The following OXTR variants were observed in gnomAD, a reference collection of about 807,000 sequenced individuals.
OXTR encodes the protein oxytocin receptor.
A neutral mutation model predicts 23.9 loss-of-function variants in OXTR; 19 were observed. The observed-to-expected ratio is 0.80, with a 90% CI of 0.56 to 1.17. The LOEUF (loss-of-function observed/expected upper bound fraction) is 1.17. Ranked by LOEUF, OXTR falls within the 50% of genes most tolerant of loss-of-function variation. OXTR has a pLI of 0.00. For missense variants in OXTR, 500 were observed against 550.7 expected (o/e 0.91, Z 0.92); for synonymous variants, 278 against 250.5 (o/e 1.11, Z -1.04).
the OXTR span, among the ~76,000 whole-genome samples, chr3:8,743,631 C>T: frequency 6.6e-6 from 1 of 152,196 alleles, no homozygotes; most frequent in Admixed American, 6.5e-5. Context: ...AACTGTGCTG[C>T]CTGCTGACAC....
At position 8,767,702 on chromosome 3, in the gene OXTR, G is replaced by T. The variant is rs200541397; in HGVS notation, c.486C>A (p.Leu162=). Residue 162 remains leucine, a synonymous_variant, in exon 3 of 4, where the codon CTC becomes CTA. Transcript: ENST00000316793. ...TDRLAVLATW[L]GCLVASAPQV... is the part of the protein sequence containing the mutation. The stretch of plus-strand genomic sequence containing the variant: ...GCGGCGCGCTGGCCACCAGGCAGCC[G>T]AGCCACGTGGCGAGCACTGCCAGGC... The T allele has an allele frequency of 6.2e-7, 1 of 1,609,680 alleles. No homozygotes were observed. The highest frequency in any genetic ancestry group is 1.7e-5 in the Admixed American group (1 of 59,722).
intron 3 of OXTR, among the ~76,000 whole-genome samples, chr3:8,765,348 A>G (rs1055198271): frequency 6.6e-6 from 1 of 152,228 alleles, no homozygotes; most frequent in Non-Finnish European, 1.5e-5. Context: ...AAAAATCACC[A>G]GAGACTCAAG....
At chr3:8,761,480 C>T (rs545392489) in intron 3 of OXTR, among the ~76,000 whole-genome samples, 28 of 120,408 alleles carry the variant, frequency 2.3e-4, no homozygotes, top group South Asian at 7.9e-4. Context: ...TGTAGATCAT[C>T]GGGAAAACTG....
chr3:8,767,657 CAG>C lies in OXTR; in HGVS notation c.529_530del (p.Leu177AlafsTer5), dbSNP rs1393791581. ...CGAAGACGCCGTCAGCCACCTCGCG[CAG>C]AGAGAAGATGTGCACCTGCGGCGCG... Reference protein sequence around the residue: ...ASAPQVHIFSLREVADGVFDC... With the variant: ...ASAPQVHIFSXREVADGVFDC... On this transcript the variant is annotated frameshift_variant, in exon 3 of 4. Coordinates refer to ENST00000316793, the MANE Select transcript of OXTR (RefSeq NM_000916.4). LOFTEE classifies it high-confidence loss of function. The C allele has an allele frequency of 1.2e-6, 2 of 1,612,628 alleles. No homozygotes were observed. Among genetic ancestry groups the C allele is most frequent in the Non-Finnish European group, 1.7e-6 (2 of 1,179,626 alleles).
chr3:8,749,351 G>A (rs1305985555), downstream of OXTR, among the ~76,000 whole-genome samples: 1 of 152,190 alleles, frequency 6.6e-6, no homozygotes, highest in Admixed American at 6.5e-5. Context: ...ATGCCCAAGA[G>A]TCTTATAACT....
chr3:8,768,299 A>G lies in OXTR; in HGVS notation c.-112T>C. 1.6e-6 allele frequency: 2 copies of G among 1,223,068 alleles called. No homozygotes were observed. Among genetic ancestry groups the G allele is most frequent in the Non-Finnish European group, 2.0e-6 (2 of 984,588 alleles). The allele number at this position is 1,223,068 out of a possible 1,614,324, so 75.8% of individuals were successfully genotyped here. A position where few individuals can be genotyped will look rare whatever the true frequency, so the allele number is the denominator to read the frequency against. On this transcript the variant is annotated 5_prime_UTR_variant, in exon 3 of 4. Transcript: ENST00000316793. This position sits in a 1 kb window ranked among gnomAD's most constrained non-coding sequence, Gnocchi z 5.4. ...GGGGCGCCCGGGGCTCCACTCCTGG[A>G]GACTCCACGGACGGATCTGCTGGGT...
At position 8,768,382 on chromosome 3, in the gene OXTR, C is replaced by G. The variant is rs1235520418; in HGVS notation, c.-142-53G>C. 3.4e-6 allele frequency: 3 copies of G among 882,936 alleles called. No homozygotes were observed. The highest frequency in any genetic ancestry group is 1.5e-6 in the Non-Finnish European group (1 of 678,250). The allele number at this position is 882,936 out of a possible 1,614,324, so 54.7% of individuals were successfully genotyped here. On this transcript the variant is annotated intron_variant, in intron 2 of 3. Transcript: ENST00000316793. This position sits in a 1 kb window ranked among gnomAD's most constrained non-coding sequence, Gnocchi z 5.4. ...AGACCGCCGCGTTTCTCTTCCGACGCGGGTAGGGCGTGCTTGTCCCATTCC... is the reference window on the plus strand; with the variant it reads ...AGACCGCCGCGTTTCTCTTCCGACGGGGGTAGGGCGTGCTTGTCCCATTCC...
rs926135876 is a variant in OXTR, at chr3:8,750,560, T to C, written c.*2417A>G. ...CTCATCTCTCACAGCCTCCAGGCCC[T>C]GGCAAACGCTAATCTATATTCACTC... On this transcript the variant is annotated 3_prime_UTR_variant, in exon 4 of 4. Transcript: ENST00000316793. 6.6e-6 allele frequency: 1 copy of C among 152,250 alleles called. No individual in the cohort carries two copies. The highest frequency in any genetic ancestry group is 2.4e-5 in the African/African-American group (1 of 41,472). 9.4% of individuals were successfully genotyped at this position (152,250 alleles called of 1,614,324 possible). A position where few individuals can be genotyped will look rare whatever the true frequency, so the allele number is the denominator to read the frequency against.
Position 8,752,144 on chromosome 3 carries a change from T to C in OXTR, c.*833A>G, listed in dbSNP as rs1440637652. 1 of 152,214 alleles carries C rather than the reference T, an allele frequency of 6.6e-6. No individual in the cohort carries two copies. The highest frequency in any genetic ancestry group is 1.5e-5 in the Non-Finnish European group (1 of 68,038). The allele number at this position is 152,214 out of a possible 1,614,324, so 9.4% of individuals were successfully genotyped here. ...TTATTTAACTTCGTTTTCATATTGT[T>C]TGTTGCTAGTATAAAGAAATACAAT... On this transcript the variant is annotated 3_prime_UTR_variant, in exon 4 of 4. Transcript: ENST00000316793.
chr3:8,745,660 A>G, downstream of OXTR: 1 of 1,614,044 alleles, frequency 6.2e-7, no homozygotes, highest in Non-Finnish European at 8.5e-7. This position sits in a 1 kb window ranked among gnomAD's most constrained non-coding sequence, Gnocchi z 4.8. Context: ...TGGGCGTCCC[A>G]CTGGCCCTGC....
rs143411944 is a variant in OXTR, at chr3:8,755,565, A to C, written c.923-2341T>G. On this transcript the variant is annotated intron_variant, in intron 3 of 3. Coordinates refer to ENST00000316793, the MANE Select transcript of OXTR (RefSeq NM_000916.4). ...TTAATGAATTCCTAAGTAGCCACCA[A>C]TCCTTCCGCCTCCAAGAGGCTGGTC... Among the ~76,000 whole-genome samples, 521 of 152,336 alleles carry C rather than the reference A, an allele frequency of 3.4e-3. 9 individuals are homozygous for C. The highest frequency in any genetic ancestry group is 0.012 in the African/African-American group (493 of 41,566).
downstream of OXTR, chr3:8,746,144 G>A (rs184247243): frequency 4.8e-4 from 209 of 436,098 alleles, 1 homozygote; most frequent in East Asian, 7.0e-3. Flanking sequence ...AAGTCTTTGC[G>A]TTCACTTGTA....
At chr3:8,748,442 C>T (rs1708203505), downstream of OXTR, among the ~76,000 whole-genome samples, 1 of 152,162 alleles carries the variant, frequency 6.6e-6, no homozygotes, top group South Asian at 2.1e-4. Context: ...ACCAGGGCCC[C>T]CTTCCACACC....
Position 8,753,137 on chromosome 3 carries a change from A to C in OXTR, c.1010T>G (p.Phe337Cys). ...WIYMLFTGHL[F>C]HELVQRFLCC... The stretch of plus-strand genomic sequence containing the variant: ...CAGGAAGCGCTGCACGAGTTCGTGG[A>C]AGAGGTGGCCCGTGAACAGCATGTA... Residue 337 changes from phenylalanine (F) to cysteine (C), a missense_variant, in exon 4 of 4, where the codon TTC becomes TGC. By Grantham distance (205) the Phe-to-Cys change is radical. Coordinates refer to ENST00000316793, the MANE Select transcript of OXTR (RefSeq NM_000916.4). 13 of 1,614,148 alleles carry C rather than the reference A, an allele frequency of 8.1e-6. No individual in the cohort carries two copies. The highest frequency in any genetic ancestry group is 1.1e-5 in the Non-Finnish European group (13 of 1,180,032).
intron 3 of OXTR, among the ~76,000 whole-genome samples, chr3:8,756,961 A>G (rs1023678291): frequency 6.6e-6 from 1 of 152,184 alleles, no homozygotes; most frequent in Non-Finnish European, 1.5e-5. Flanking sequence ...CTATGCAGCG[A>G]GCACCTTCTC....
At chr3:8,757,107 C>T (rs944762706) in intron 3 of OXTR, among the ~76,000 whole-genome samples, 4 of 152,092 alleles carry the variant, frequency 2.6e-5, no homozygotes, top group African/African-American at 9.7e-5. Context: ...CCCCCTCCCA[C>T]CTAATCACTC....
At chr3:8,765,621 T>A (rs939148116) in intron 3 of OXTR, among the ~76,000 whole-genome samples, 1 of 152,192 alleles carries the variant, frequency 6.6e-6, no homozygotes, top group African/African-American at 2.4e-5. Flanking sequence ...TGGATCTGGT[T>A]TCTTCAGATC....
At chr3:8,767,239 C>A (rs202043527) in intron 3 of OXTR, 27 bp downstream of exon 3, 4 of 1,514,916 alleles carry the variant, frequency 2.6e-6, no homozygotes, top group Non-Finnish European at 2.6e-6. Flanking sequence ...CAGGCTCCCT[C>A]CTCCTGGGTC....
At chr3:8,764,492 G>A (rs566690450) in intron 3 of OXTR, among the ~76,000 whole-genome samples, 1 of 152,360 alleles carries the variant, frequency 6.6e-6, no homozygotes, top group African/African-American at 2.4e-5. Context: ...AACCTCTTGA[G>A]TAGCTCAAGT....
Sources: allele counts gnomAD v4.1 joint callset (sites outside exome capture counted in the v4.1 genomes callset), GRCh38; gene constraint gnomAD v4.1.1; non-coding constraint Gnocchi (gnomAD v3.1); transcripts MANE v1.5; gene names NCBI Gene and HGNC (gene_info 2026-07-23, HGNC 2026-07-21).